ATXN1: variants seen among roughly 807,000 people sequenced by gnomAD.
The protein encoded by ATXN1 is ataxin-1.
In ATXN1, 8 loss-of-function variants were observed where a neutral mutation model predicts 56.4. The ratio of observed to expected loss-of-function variants is 0.14; its 90% CI spans 0.08 to 0.26. ATXN1 has a LOEUF of 0.26. Among genes scored for constraint, ATXN1 ranks in the 10% least tolerant of loss-of-function variants. The pLI, the probability that ATXN1 is intolerant of heterozygous loss-of-function variation, is 1.00. For synonymous variants in ATXN1, 514 were observed against 494.6 expected (o/e 1.04, Z -0.52); for missense variants, 987 against 1,106.5 (o/e 0.89, Z 1.53).
intron 2 of ATXN1, among the ~76,000 whole-genome samples, chr6:16,669,591 A>G (rs879302940): frequency 1.3e-5 from 2 of 151,900 alleles, no homozygotes; most frequent in Admixed American, 1.3e-4. Context: ...CACTGCTATT[A>G]ATCAGTAAAG....
chr6:16,707,535 TGCC>T, intron 2 of ATXN1, among the ~76,000 whole-genome samples: 1 of 152,338 alleles, frequency 6.6e-6, no homozygotes, highest in East Asian at 1.9e-4. Flanking sequence ...TCTTCTACTC[TGCC>T]CAGAGAATGA....
At chr6:16,739,860 C>A (rs1377697894) in intron 2 of ATXN1, 1 of 456,898 alleles carries the variant, frequency 2.2e-6, no homozygotes, top group East Asian at 7.0e-5. Context: ...GTCCCGGGGA[C>A]TTCCAACGAA....
intron 2 of ATXN1, among the ~76,000 whole-genome samples, chr6:16,688,838 T>A (rs780184990): frequency 6.6e-6 from 1 of 152,204 alleles, no homozygotes; most frequent in Non-Finnish European, 1.5e-5. Context: ...ATTTATGATA[T>A]CCCTGACAAC....
intron 6 of ATXN1, among the ~76,000 whole-genome samples, chr6:16,392,618 C>A (rs569192205): frequency 6.6e-6 from 1 of 152,212 alleles, no homozygotes; most frequent in East Asian, 1.9e-4. Context: ...GCCTCAGCCT[C>A]CTGAGTAGCT....
At chr6:16,343,575 A>T (rs1479502341) in intron 6 of ATXN1, among the ~76,000 whole-genome samples, 1 of 152,122 alleles carries the variant, frequency 6.6e-6, no homozygotes, top group Non-Finnish European at 1.5e-5. Context: ...AGCTGTAAAA[A>T]GTGAGGCAGC....
intron 2 of ATXN1, among the ~76,000 whole-genome samples, chr6:16,699,503 G>T (rs752423167): frequency 1.3e-5 from 2 of 152,192 alleles, no homozygotes; most frequent in Non-Finnish European, 2.9e-5. Flanking sequence ...TCAGAGAACT[G>T]CAAATGTTGT....
chr6:16,579,479 AG>A (rs374037279), intron 4 of ATXN1, among the ~76,000 whole-genome samples: 6 of 23,708 alleles, frequency 2.5e-4, no homozygotes, highest in Non-Finnish European at 5.6e-4. Context: ...CCTTGGTCAA[AG>A]CCCCCCCCCC....
intron 3 of ATXN1, among the ~76,000 whole-genome samples, chr6:16,618,772 A>G (rs915143243): frequency 2.6e-5 from 4 of 151,826 alleles, no homozygotes; most frequent in African/African-American, 9.7e-5. Flanking sequence ...AAAGCAAAAC[A>G]CTTTTTGAAA....
At chr6:16,619,099 A>G (rs1184003378) in intron 3 of ATXN1, among the ~76,000 whole-genome samples, 1 of 152,214 alleles carries the variant, frequency 6.6e-6, no homozygotes, top group Non-Finnish European at 1.5e-5. Context: ...TTTTTAACTT[A>G]TCAAATTGGC....
intron 4 of ATXN1, among the ~76,000 whole-genome samples, chr6:16,542,538 G>T (rs543747761): frequency 2.1e-4 from 32 of 152,256 alleles, no homozygotes; most frequent in Non-Finnish European, 4.1e-4. Context: ...TCACACTGGG[G>T]CTCTCTCTAG....
intron 2 of ATXN1, among the ~76,000 whole-genome samples, chr6:16,703,077 A>G (rs2113440573): frequency 6.6e-6 from 1 of 152,296 alleles, no homozygotes; most frequent in South Asian, 2.1e-4. Flanking sequence ...ACTTGGAACC[A>G]ACCCAAATGT....
chr6:16,620,063 T>C (rs896395436), intron 3 of ATXN1, among the ~76,000 whole-genome samples: 1 of 152,134 alleles, frequency 6.6e-6, no homozygotes, highest in African/African-American at 2.4e-5. Context: ...TAGTACAGCA[T>C]CTGGACCATA....
intron 4 of ATXN1, among the ~76,000 whole-genome samples, chr6:16,559,134 T>A (rs541783476): frequency 1.3e-5 from 2 of 152,292 alleles, no homozygotes; most frequent in South Asian, 4.1e-4. Context: ...TTTAAAAACA[T>A]CGTCTGTGGA....
chr6:16,683,409 G>A (rs1034793769), intron 2 of ATXN1, among the ~76,000 whole-genome samples: 2 of 152,176 alleles, frequency 1.3e-5, no homozygotes, highest in Non-Finnish European at 2.9e-5. Flanking sequence ...GTGCCTTTAA[G>A]GTTATTTCAA....
At chr6:16,521,630 C>T (rs1388721226) in intron 5 of ATXN1, among the ~76,000 whole-genome samples, 3 of 152,192 alleles carry the variant, frequency 2.0e-5, no homozygotes, top group African/African-American at 2.4e-5. Context: ...CAGATTTGTA[C>T]TTCAATATAG....
chr6:16,496,789 A>C (rs1760788792), intron 5 of ATXN1, among the ~76,000 whole-genome samples: 1 of 151,696 alleles, frequency 6.6e-6, no homozygotes, highest in Non-Finnish European at 1.5e-5. Context: ...AATATTTAAA[A>C]CTCTTTAGAA....
rs534315785 is a variant in ATXN1 at position 16,749,462 on chromosome 6, T to G, written c.-615+3771A>C. Among the ~76,000 whole-genome samples, 21 of 152,290 alleles carry G rather than the reference T, an allele frequency of 1.4e-4. No homozygotes were observed. In the South Asian group the frequency reaches 3.9e-3, roughly 29 times the overall value. On this transcript the variant is annotated intron_variant, in intron 2 of 7. Coordinates refer to ENST00000436367, the MANE Select transcript of ATXN1 (RefSeq NM_001128164.2). ...GCATTCATTTTTATACACACACACATTAGATTTAGCTAAAATTAGCTCAAG... is the reference window on the plus strand; with the variant it reads ...GCATTCATTTTTATACACACACACAGTAGATTTAGCTAAAATTAGCTCAAG...
chr6:16,647,953 G>A (rs1037111052), intron 3 of ATXN1, among the ~76,000 whole-genome samples: 10 of 152,126 alleles, frequency 6.6e-5, no homozygotes, highest in Non-Finnish European at 1.0e-4. Flanking sequence ...GCAGGTGCCT[G>A]TAATCCCAGC....
Position 16,306,948 on chromosome 6 carries a change from G to A in ATXN1, c.1918-89C>T, listed in dbSNP as rs926000557. ...TTGTTTGATTTTATGCACACACACA[G>A]GTATGAACTCACACAGACACACACA... On this transcript the variant is annotated intron_variant, in intron 7 of 7. Transcript: ENST00000436367. This position sits in a 1 kb window ranked among gnomAD's most constrained non-coding sequence, Gnocchi z 5.2. 5.7e-6 allele frequency: 8 copies of A among 1,403,008 alleles called. No individual in the cohort carries two copies. The African/African-American group carries it at 1.0e-4, about 18-fold the overall frequency. 86.9% of individuals were successfully genotyped at this position (1,403,008 alleles called of 1,614,324 possible). A position where few individuals can be genotyped will look rare whatever the true frequency, so the allele number is the denominator to read the frequency against.
Sources: allele counts gnomAD v4.1 joint callset (sites outside exome capture counted in the v4.1 genomes callset), GRCh38; gene constraint gnomAD v4.1.1; non-coding constraint Gnocchi (gnomAD v3.1); transcripts MANE v1.5; gene names NCBI Gene and HGNC (gene_info 2026-07-23, HGNC 2026-07-21).